ASTN2: variants seen among roughly 807,000 people sequenced by gnomAD.
ASTN2 encodes the protein astrotactin 2.
Under a neutral mutation model 139.8 loss-of-function variants are expected in ASTN2, and 54 were observed. That is an observed-to-expected ratio of 0.39 (90% CI 0.31 to 0.48). The LOEUF (loss-of-function observed/expected upper bound fraction) is 0.48, where lower values mean the gene tolerates loss of function less well. Ranked by LOEUF, ASTN2 falls within the 20% of genes least tolerant of loss-of-function variation. The pLI, the probability that ASTN2 is intolerant of heterozygous loss-of-function variation, is 0.95. For synonymous variants in ASTN2, 756 were observed against 719.5 expected (o/e 1.05, Z -0.81); for missense variants, 1,565 against 1,725.1 (o/e 0.91, Z 1.64).
intron 19 of ASTN2, among the ~76,000 whole-genome samples, chr9:116,491,029 A>G (rs1849503843): frequency 6.6e-6 from 1 of 152,256 alleles, no homozygotes; most frequent in South Asian, 2.1e-4. Flanking sequence ...ATGTCAGGTC[A>G]GTAAGACTGG....
At chr9:116,627,939 A>G (rs1856548752) in intron 17 of ASTN2, among the ~76,000 whole-genome samples, 1 of 152,196 alleles carries the variant, frequency 6.6e-6, no homozygotes, top group South Asian at 2.1e-4. Context: ...TATTATATCC[A>G]ATTTGCATTT....
intron 13 of ASTN2, among the ~76,000 whole-genome samples, chr9:116,756,639 C>T (rs1323341329): frequency 1.3e-5 from 2 of 151,986 alleles, no homozygotes; most frequent in African/African-American, 4.8e-5. Flanking sequence ...AAACCCTACC[C>T]CCAACTCCCT....
chr9:117,177,170 A>G (rs1435650419), intron 3 of ASTN2, among the ~76,000 whole-genome samples: 2 of 152,196 alleles, frequency 1.3e-5, no homozygotes, highest in Non-Finnish European at 2.9e-5. Context: ...CAGACCCTCT[A>G]TGAAATTAGA....
chr9:116,491,992 T>TA (rs1395368836), intron 19 of ASTN2, among the ~76,000 whole-genome samples: 1 of 152,106 alleles, frequency 6.6e-6, no homozygotes, highest in Non-Finnish European at 1.5e-5. Flanking sequence ...GTATCTAACT[T>TA]AGACAGTTGC....
At chr9:116,785,844 C>T (rs1474278541) in intron 13 of ASTN2, among the ~76,000 whole-genome samples, 1 of 152,164 alleles carries the variant, frequency 6.6e-6, no homozygotes, top group Non-Finnish European at 1.5e-5. Context: ...CTGATTTCAC[C>T]CTGCCCACTA....
intron 5 of ASTN2, among the ~76,000 whole-genome samples, chr9:117,040,285 T>C (rs1204863306): frequency 1.3e-5 from 2 of 152,134 alleles, no homozygotes; most frequent in African/African-American, 4.8e-5. Flanking sequence ...AATTAGATGA[T>C]ATTAAGCCCT....
intron 10 of ASTN2, among the ~76,000 whole-genome samples, chr9:116,873,132 T>C (rs1833208811): frequency 6.6e-6 from 1 of 152,256 alleles, no homozygotes; most frequent in Non-Finnish European, 1.5e-5. Context: ...ATCAACTCAC[T>C]TAATCCTCCC....
At chr9:116,718,821 T>C (rs900126163) in intron 16 of ASTN2, among the ~76,000 whole-genome samples, 1 of 151,840 alleles carries the variant, frequency 6.6e-6, no homozygotes, top group Non-Finnish European at 1.5e-5. Flanking sequence ...GGCTTTGGAT[T>C]CACACTGGAA....
intron 10 of ASTN2, among the ~76,000 whole-genome samples, chr9:116,877,974 T>C (rs528221382): frequency 8.5e-5 from 13 of 152,294 alleles, no homozygotes; most frequent in Non-Finnish European, 1.9e-4. Flanking sequence ...ACATCACTGA[T>C]TGTTATAGAA....
chr9:117,225,535 G>GTATATATATATATATATA (rs58184768), intron 2 of ASTN2, among the ~76,000 whole-genome samples: 5 of 63,958 alleles, frequency 7.8e-5, no homozygotes, highest in African/African-American at 2.2e-4. Context: ...CAAGCTGTAT[G>GTATATATATATATATATA]TATATATATA....
At chr9:116,507,047 A>G (rs116512398) in intron 19 of ASTN2, among the ~76,000 whole-genome samples, 8 of 152,346 alleles carry the variant, frequency 5.3e-5, no homozygotes, top group Admixed American at 1.3e-4. Flanking sequence ...GTTCCTTGCT[A>G]TAAGTCAGGC....
intron 1 of ASTN2, among the ~76,000 whole-genome samples, chr9:117,359,736 A>G (rs1829642609): frequency 6.6e-6 from 1 of 152,174 alleles, no homozygotes; most frequent in Admixed American, 6.5e-5. Context: ...GTCTTTAACT[A>G]TCAGAGACAG....
intron 19 of ASTN2, among the ~76,000 whole-genome samples, chr9:116,536,204 C>T (rs1211165670): frequency 6.6e-6 from 1 of 151,954 alleles, no homozygotes; most frequent in Non-Finnish European, 1.5e-5. Context: ...TTTTCAGCTC[C>T]ATCAGGTCAT....
At chr9:116,470,756 T>A (rs1848787715) in intron 20 of ASTN2, among the ~76,000 whole-genome samples, 2 of 152,200 alleles carry the variant, frequency 1.3e-5, no homozygotes, top group African/African-American at 4.8e-5. Context: ...AGGGAAATTA[T>A]GGGAAGTTAA....
At chr9:117,140,367 C>G (rs1830044804) in intron 4 of ASTN2, among the ~76,000 whole-genome samples, 1 of 151,684 alleles carries the variant, frequency 6.6e-6, no homozygotes, top group Non-Finnish European at 1.5e-5. Context: ...CTGATCAGAG[C>G]CAAGTTACAG....
At chr9:117,140,984 G>A (rs1319842438) in intron 4 of ASTN2, among the ~76,000 whole-genome samples, 1 of 152,162 alleles carries the variant, frequency 6.6e-6, no homozygotes, top group African/African-American at 2.4e-5. Flanking sequence ...CTACTAGAAT[G>A]TTCTGCCACT....
At chr9:116,668,195 CT>C (rs35261157) in intron 16 of ASTN2, among the ~76,000 whole-genome samples, 16,009 of 137,282 alleles carry the variant, frequency 0.12, 737 homozygotes, top group East Asian at 0.14. Flanking sequence ...TTCAGATTGG[CT>C]TTTTTTTTTT....
intron 1 of ASTN2, among the ~76,000 whole-genome samples, chr9:117,349,596 A>G (rs1195610003): frequency 6.6e-6 from 1 of 152,170 alleles, no homozygotes; most frequent in Non-Finnish European, 1.5e-5. Context: ...TAAAAATAAG[A>G]TGGTTATTCC....
chr9:116,744,450 G>C (rs1003285818), intron 13 of ASTN2, among the ~76,000 whole-genome samples: 2 of 152,140 alleles, frequency 1.3e-5, no homozygotes, highest in Non-Finnish European at 2.9e-5. Flanking sequence ...CTACAGGGTA[G>C]AGGATGGACT....
Sources: allele counts gnomAD v4.1 joint callset (sites outside exome capture counted in the v4.1 genomes callset), GRCh38; gene constraint gnomAD v4.1.1; transcripts MANE v1.5; gene names NCBI Gene and HGNC (gene_info 2026-07-23, HGNC 2026-07-21).